Variants in TCERG1L observed in about 807,000 individuals in gnomAD.
The protein encoded by TCERG1L is transcription elongation regulator 1 like.
Under a neutral mutation model 56.3 loss-of-function variants are expected in TCERG1L, and 37 were observed. The observed-to-expected ratio is 0.66, with a 90% CI of 0.51 to 0.87. The LOEUF is 0.87. Among genes scored for constraint, TCERG1L ranks in the 40% least tolerant of loss-of-function variants. The pLI, the probability that TCERG1L is intolerant of heterozygous loss-of-function variation, is 0.00. For missense variants in TCERG1L, 799 were observed against 774.2 expected, an observed-to-expected ratio of 1.03 and a Z score of -0.38; for synonymous variants, 324 against 326.3, an observed-to-expected ratio of 0.99 and a Z score of 0.08.
intron 3 of TCERG1L, among the ~76,000 whole-genome samples, chr10:131,286,459 C>T (rs1589772898): frequency 6.6e-6 from 1 of 152,202 alleles, no homozygotes; most frequent in East Asian, 1.9e-4. Flanking sequence ...CACCCGCATA[C>T]TAGCCTTATT....
intron 4 of TCERG1L, among the ~76,000 whole-genome samples, chr10:131,243,510 G>A (rs962135504): frequency 1.3e-5 from 2 of 152,190 alleles, no homozygotes; most frequent in African/African-American, 4.8e-5. Flanking sequence ...GTTGCAGTGA[G>A]CCAAGATTGC....
intron 4 of TCERG1L, among the ~76,000 whole-genome samples, chr10:131,240,483 C>T (rs924152670): frequency 2.0e-5 from 3 of 152,142 alleles, no homozygotes; most frequent in African/African-American, 4.8e-5. Flanking sequence ...TCCAAAGCAC[C>T]GACCACAATC....
intron 9 of TCERG1L, among the ~76,000 whole-genome samples, chr10:131,110,800 A>AGATGATT (rs1554885846): frequency 1.0e-5 from 1 of 98,514 alleles, no homozygotes; most frequent in East Asian, 5.0e-4. Context: ...AGGGGGTTCA[A>AGATGATT]TTCAAGTAAA....
chr10:131,253,197 T>C (rs566773878), intron 4 of TCERG1L, among the ~76,000 whole-genome samples: 1 of 152,256 alleles, frequency 6.6e-6, no homozygotes, highest in Admixed American at 6.5e-5. Context: ...CACCGGGTGA[T>C]TGATTTGAGC....
rs1004104596 is a variant in TCERG1L at position 131,245,753 on chromosome 10, C to T, written c.856+14506G>A. Among the ~76,000 whole-genome samples, 4 of 152,152 alleles carry T rather than the reference C, an allele frequency of 2.6e-5. No individual in the cohort carries two copies. The South Asian group carries it at 8.3e-4, about 32-fold the overall frequency. ...ATCCTCATAAAGAGCTGGTCGAGTT[C>T]GGAGTTGGCGGGAGGGGTGCAGTGG... On this transcript the variant is annotated intron_variant, in intron 4 of 11. Transcript: ENST00000368642.
chr10:131,153,423 A>G (rs893688870), intron 6 of TCERG1L, among the ~76,000 whole-genome samples: 2 of 152,126 alleles, frequency 1.3e-5, no homozygotes, highest in African/African-American at 4.8e-5. Flanking sequence ...TAGAGAATCA[A>G]ATGCACTGAG....
intron 9 of TCERG1L, among the ~76,000 whole-genome samples, chr10:131,114,800 C>T (rs1023098043): frequency 4.6e-5 from 7 of 152,250 alleles, no homozygotes; most frequent in Admixed American, 6.5e-5. Context: ...AAAACTTGGA[C>T]GTTAGTAAGA....
intron 2 of TCERG1L, 111 bp downstream of exon 2, chr10:131,309,042 T>C: frequency 1.6e-6 from 2 of 1,269,218 alleles, no homozygotes; most frequent in South Asian, 1.5e-5. Context: ...TATACCTAGA[T>C]GGCCAATTTA....
intron 3 of TCERG1L, among the ~76,000 whole-genome samples, chr10:131,287,671 C>T (rs113901639): frequency 0.021 from 3,267 of 152,214 alleles, 124 homozygotes; most frequent in African/African-American, 0.072. Context: ...CCATCTAGAG[C>T]GGGCTTACTC....
At chr10:131,167,427 T>C (rs565879650) in intron 4 of TCERG1L, among the ~76,000 whole-genome samples, 1 of 152,324 alleles carries the variant, frequency 6.6e-6, no homozygotes, top group Non-Finnish European at 1.5e-5. Context: ...AGGAGCCTCC[T>C]CCAGTGATGC....
chr10:131,154,461 G>A (rs893059656), intron 6 of TCERG1L, among the ~76,000 whole-genome samples: 3 of 152,312 alleles, frequency 2.0e-5, no homozygotes, highest in Admixed American at 2.0e-4. Context: ...TCCTGGGGAT[G>A]GACAAAGCCA....
chr10:131,128,273 G>A (rs886075736), intron 8 of TCERG1L, among the ~76,000 whole-genome samples: 5 of 152,172 alleles, frequency 3.3e-5, no homozygotes, highest in Non-Finnish European at 5.9e-5. Flanking sequence ...ATGACGAAGC[G>A]TCAACAGCGT....
At chr10:131,097,493 A>G (rs928251574) in intron 11 of TCERG1L, among the ~76,000 whole-genome samples, 13 of 152,022 alleles carry the variant, frequency 8.6e-5, no homozygotes, top group Non-Finnish European at 1.5e-4. Flanking sequence ...GACTACAGGC[A>G]CCCACCACCA....
intron 4 of TCERG1L, among the ~76,000 whole-genome samples, chr10:131,197,231 C>G (rs780812075): frequency 1.3e-5 from 2 of 151,496 alleles, no homozygotes; most frequent in Non-Finnish European, 2.9e-5. Context: ...TGCCAGGCTG[C>G]AGTGCAATGG....
intron 4 of TCERG1L, among the ~76,000 whole-genome samples, chr10:131,233,152 G>T (rs1267557030): frequency 6.6e-6 from 1 of 152,136 alleles, no homozygotes; most frequent in East Asian, 1.9e-4. Context: ...TTCTATTAAC[G>T]TGTCCGCAGC....
In TCERG1L at chr10:131,309,259, G is replaced by A. The variant is rs772795939; in HGVS notation, c.383C>T (p.Pro128Leu). The A allele has an allele frequency of 1.3e-4, 213 of 1,604,104 alleles. No homozygotes were observed. Among genetic ancestry groups the A allele is most frequent in the Non-Finnish European group, 1.8e-4 (206 of 1,176,762 alleles). ...GGHSPSLGLPPSSTVELVPVF... is the reference protein window; with the variant it reads ...GGHSPSLGLPLSSTVELVPVF... ...GGGCACCAGCTCCACTGTGGAAGAG[G>A]GGGGCAGTCCTAGGGACGGAGAATG... The change falls in exon 2 of 12, where the codon CCC (proline) becomes CTC (leucine). Residue 128 changes from proline to leucine, a missense_variant. Coordinates refer to ENST00000368642, the MANE Select transcript of TCERG1L (RefSeq NM_174937.4).
chr10:131,298,483 G>A (rs532742390), intron 3 of TCERG1L, among the ~76,000 whole-genome samples: 42 of 151,992 alleles, frequency 2.8e-4, no homozygotes, highest in African/African-American at 8.9e-4. Flanking sequence ...GCATGATCTC[G>A]GCTAAGTGCA....
intron 6 of TCERG1L, among the ~76,000 whole-genome samples, chr10:131,149,764 G>C (rs1388651275): frequency 1.3e-5 from 2 of 152,216 alleles, no homozygotes; most frequent in African/African-American, 4.8e-5. Context: ...CACCCCTCTT[G>C]CAAGGAATGC....
chr10:131,237,687 CCCTCTGTACCT>C (rs1231128702), intron 4 of TCERG1L, among the ~76,000 whole-genome samples: 6 of 152,190 alleles, frequency 3.9e-5, no homozygotes, highest in Admixed American at 2.6e-4. Context: ...ACGTTGAACA[CCCTCTGTACCT>C]CTTGGCTTGA....
Sources: allele counts gnomAD v4.1 joint callset (sites outside exome capture counted in the v4.1 genomes callset), GRCh38; gene constraint gnomAD v4.1.1; transcripts MANE v1.5; gene names NCBI Gene and HGNC (gene_info 2026-07-23, HGNC 2026-07-21).